SRL: variants seen among roughly 807,000 people sequenced by gnomAD.
SRL encodes the protein sarcalumenin.
In SRL, 23 loss-of-function variants were observed where a neutral mutation model predicts 39.5. The ratio of observed to expected loss-of-function variants is 0.58; its 90% confidence interval spans 0.42 to 0.82. The LOEUF (loss-of-function observed/expected upper bound fraction) is 0.82. Ranked by LOEUF, SRL falls within the 40% of genes least tolerant of loss-of-function variation. The pLI, the probability that SRL is intolerant of heterozygous loss-of-function variation, is 0.00. For missense variants in SRL, 592 were observed against 607.8 expected (o/e 0.97, Z 0.27); for synonymous variants, 272 against 237.4 (o/e 1.15, Z -1.34).
chr16:4,196,113 A>G (rs555330241), intron 4 of SRL, among the ~76,000 whole-genome samples: 2 of 152,132 alleles, frequency 1.3e-5, no homozygotes, highest in African/African-American at 2.4e-5. Context: ...GGCACTCGCC[A>G]CCATGCCTGG....
At position 4,191,492 on chromosome 16, in the gene SRL, T is replaced by A. The variant is rs1328275641; in HGVS notation, c.*661A>T. 3.3e-5 allele frequency: 5 copies of A among 152,422 alleles called. No homozygotes were observed. The highest frequency in any genetic ancestry group is 2.9e-5 in the Non-Finnish European group (2 of 68,228). 9.4% of individuals were successfully genotyped at this position (152,422 alleles called of 1,614,324 possible). A position where few individuals can be genotyped will look rare whatever the true frequency, so the allele number is the denominator to read the frequency against. On this transcript the variant is annotated 3_prime_UTR_variant, in exon 6 of 6. Coordinates refer to ENST00000399609, the MANE Select transcript of SRL (RefSeq NM_001098814.2). ...GCTGGGCATGGTGGTAGGCCTATAATCTCAGCTACTCAGGAGGCTGAGGCA... is the reference window on the plus strand; with the variant it reads ...GCTGGGCATGGTGGTAGGCCTATAAACTCAGCTACTCAGGAGGCTGAGGCA...
Position 4,231,638 on chromosome 16 carries a change from T to C in SRL, c.61+10369A>G, listed in dbSNP as rs139267316. Reference sequence around the variant, plus strand: ...TCTACCTTATATGGTTCTCTATTCATGTCATGAGCAGGGGCTGTCTCCCCT... The same window carrying C: ...TCTACCTTATATGGTTCTCTATTCACGTCATGAGCAGGGGCTGTCTCCCCT... On this transcript the variant is annotated intron_variant, in intron 1 of 5. Coordinates refer to ENST00000399609, the MANE Select transcript of SRL (RefSeq NM_001098814.2). 1.7e-3 allele frequency among the ~76,000 whole-genome samples: 261 copies of C among 152,278 alleles called. 1 individual carries two copies. Among genetic ancestry groups the C allele is most frequent in the Middle Eastern group, 6.8e-3 (2 of 294 alleles).
chr16:4,224,231 A>T (rs1043712669), intron 1 of SRL, among the ~76,000 whole-genome samples: 1 of 152,120 alleles, frequency 6.6e-6, no homozygotes, highest in Non-Finnish European at 1.5e-5. Flanking sequence ...AAGTATTTAA[A>T]CATTTCTGGG....
chr16:4,212,036 A>G lies in SRL; in HGVS notation c.62-7402T>C, dbSNP rs185382962. The stretch of plus-strand genomic sequence containing the variant: ...GCCACACAGTCCCAAGGGGGATGAA[A>G]GTTCCAAATGTTGGAGGTTCACCGT... On this transcript the variant is annotated intron_variant, in intron 1 of 5. Transcript: ENST00000399609. 2.0e-5 allele frequency among the ~76,000 whole-genome samples: 3 copies of G among 152,306 alleles called. 1 individual carries two copies. The East Asian group carries it at 5.8e-4, about 29-fold the overall frequency.
chr16:4,197,214 A>T (rs9929411), intron 4 of SRL, among the ~76,000 whole-genome samples: 72,126 of 149,678 alleles, frequency 0.48, 17,424 homozygotes, highest in South Asian at 0.63. Flanking sequence ...GACTACAGGC[A>T]CCCGCCATCA....
chr16:4,204,675 C>T lies in SRL; in HGVS notation c.62-41G>A, dbSNP rs201344182. ...GACAGCCAAGTGAGAGCAAAGCTAA[C>T]AGCCAGCTGAGCTCTGGGCCCCGGC... On this transcript the variant is annotated intron_variant, in intron 1 of 5. Transcript: ENST00000399609. 1.4e-5 allele frequency: 22 copies of T among 1,586,504 alleles called. No individual in the cohort carries two copies. The Admixed American group carries it at 3.0e-4, about 22-fold the overall frequency.
At chr16:4,194,727 A>G (rs576398139) in intron 5 of SRL, among the ~76,000 whole-genome samples, 3 of 152,066 alleles carry the variant, frequency 2.0e-5, no homozygotes, top group Admixed American at 1.3e-4. Flanking sequence ...TCCAAACCAA[A>G]TCAGTCCTTG....
chr16:4,232,951 CCT>C, intron 1 of SRL, among the ~76,000 whole-genome samples: 1 of 152,336 alleles, frequency 6.6e-6, no homozygotes, highest in South Asian at 2.1e-4. Context: ...GGGACTCTCC[CCT>C]GAGCTCCCAG....
At chr16:4,205,949 A>T (rs2052313591) in intron 1 of SRL, among the ~76,000 whole-genome samples, 2 of 151,710 alleles carry the variant, frequency 1.3e-5, no homozygotes, top group Admixed American at 1.3e-4. Flanking sequence ...TTGTCTCAAA[A>T]AAAAAAAAGT....
At chr16:4,220,308 C>CACACACACACACACAA (rs1326315986) in intron 1 of SRL, among the ~76,000 whole-genome samples, 1 of 151,466 alleles carries the variant, frequency 6.6e-6, no homozygotes, top group South Asian at 2.1e-4. Context: ...CACACACACA[C>CACACACACACACACAA]AAATAACCGG....
chr16:4,200,798 C>A (rs114202946), intron 3 of SRL, among the ~76,000 whole-genome samples: 2,492 of 152,284 alleles, frequency 0.016, 62 homozygotes, highest in African/African-American at 0.057. Context: ...CTGGGTAACC[C>A]AGCACGTCTC....
chr16:4,232,513 C>G (rs141020591), intron 1 of SRL, among the ~76,000 whole-genome samples: 2 of 151,528 alleles, frequency 1.3e-5, no homozygotes, highest in Non-Finnish European at 2.9e-5. Context: ...GCCATCTAGA[C>G]GAATTTTTTT....
At chr16:4,204,425 C>CAAGATACAGACCCGGCCTCT in intron 2 of SRL, 108 bp downstream of exon 2, 1 of 602,368 alleles carries the variant, frequency 1.7e-6, no homozygotes, top group Admixed American at 3.8e-5. Flanking sequence ...CCCCGGCCTC[C>CAAGATACAGACCCGGCCTCT]AAGATACAGC....
At chr16:4,204,446 C>T in intron 2 of SRL, 87 bp downstream of exon 2, 1 of 759,132 alleles carries the variant, frequency 1.3e-6, no homozygotes, top group Non-Finnish European at 2.0e-6. Context: ...CCCGGCACGC[C>T]CTGGCTCTCA....
At chr16:4,193,494 A>G (rs1478842747) in intron 5 of SRL, among the ~76,000 whole-genome samples, 1 of 152,228 alleles carries the variant, frequency 6.6e-6, no homozygotes, top group African/African-American at 2.4e-5. Context: ...TGAATGCATT[A>G]TTTACGGGGA....
intron 1 of SRL, among the ~76,000 whole-genome samples, chr16:4,213,398 C>CTTTTTT (rs2052416720): frequency 3.1e-5 from 3 of 96,290 alleles, no homozygotes; most frequent in Admixed American, 9.7e-5. Context: ...TTTTCTTTTT[C>CTTTTTT]TTTTTCTTTT....
At chr16:4,195,820 T>A in intron 4 of SRL, 34 bp from the exon 5 acceptor site, 2 of 1,558,244 alleles carry the variant, frequency 1.3e-6, no homozygotes, top group Non-Finnish European at 1.8e-6. Flanking sequence ...AAGGAATACA[T>A]GATCTCTGTG....
rs370121009 is a variant in SRL, at chr16:4,190,733, G to A, written c.*1420C>T. 2.2e-4 allele frequency: 79 copies of A among 354,210 alleles called. No homozygotes were observed. The South Asian group carries it at 0.011, about 49-fold the overall frequency. The allele number at this position is 354,210 out of a possible 1,614,324, so 21.9% of individuals were successfully genotyped here. ...GGACATCTGCATCAAGGTCAGGCGG[G>A]AAGGTCAATGTTAAGCCTTGGTGGC... On this transcript the variant is annotated 3_prime_UTR_variant, in exon 6 of 6. Transcript: ENST00000399609.
intron 1 of SRL, chr16:4,207,772 G>C: frequency 4.4e-6 from 2 of 452,326 alleles, no homozygotes; most frequent in Non-Finnish European, 8.9e-6. Context: ...CCTGGAGGGA[G>C]GGCGCTTGCC....
Sources: gnomAD v4.1 joint callset for allele counts (sites outside exome capture counted in the v4.1 genomes callset) on GRCh38, gnomAD v4.1.1 for gene constraint, MANE v1.5 for transcripts, NCBI Gene and HGNC (gene_info 2026-07-23, HGNC 2026-07-21) for gene names.